XKR4: variants seen among roughly 807,000 people sequenced by gnomAD.
XKR4 encodes XK-related protein 4.
Under a neutral mutation model 53.9 loss-of-function variants are expected in XKR4, and 12 were observed. The ratio of observed to expected loss-of-function variants is 0.22; its 90% CI spans 0.14 to 0.36. The LOEUF is 0.36. Among genes scored for constraint, XKR4 ranks in the 10% least tolerant of loss-of-function variants. The probability of loss-of-function intolerance (pLI) is 1.00; values close to 1 mark genes in which losing one functional copy is unlikely to be tolerated. For synonymous variants in XKR4, 354 were observed against 362.4 expected (o/e 0.98, Z 0.26); for missense variants, 799 against 859.5 (o/e 0.93, Z 0.88).
intron 2 of XKR4, among the ~76,000 whole-genome samples, chr8:55,514,240 C>T (rs1234464227): frequency 6.8e-6 from 1 of 146,480 alleles, no homozygotes; most frequent in East Asian, 2.0e-4. Flanking sequence ...TTGCTACATG[C>T]TGGGATTCTT....
At chr8:55,202,820 A>T (rs1430359826) in intron 1 of XKR4, among the ~76,000 whole-genome samples, 1 of 152,222 alleles carries the variant, frequency 6.6e-6, no homozygotes, top group Non-Finnish European at 1.5e-5. Flanking sequence ...TCAAAGGCAA[A>T]CTTATTTTTC....
At chr8:55,313,501 C>T (rs142182704) in intron 1 of XKR4, among the ~76,000 whole-genome samples, 2 of 152,264 alleles carry the variant, frequency 1.3e-5, no homozygotes, top group Admixed American at 6.5e-5. Context: ...CCAGCGGCAG[C>T]ATGCATGGTC....
chr8:55,343,493 G>T (rs1256430539), intron 1 of XKR4, among the ~76,000 whole-genome samples: 2 of 152,120 alleles, frequency 1.3e-5, no homozygotes, highest in Non-Finnish European at 2.9e-5. Flanking sequence ...AAGCCTTTCG[G>T]CATTCCACTC....
intron 1 of XKR4, among the ~76,000 whole-genome samples, chr8:55,219,693 A>T (rs188116162): frequency 3.8e-4 from 58 of 152,182 alleles, no homozygotes; most frequent in African/African-American, 5.1e-4. Context: ...AGTGAAATAA[A>T]TTTTTTTTAA....
chr8:55,166,082 G>C (rs1424306102), intron 1 of XKR4, among the ~76,000 whole-genome samples: 4 of 152,172 alleles, frequency 2.6e-5, no homozygotes, highest in Non-Finnish European at 5.9e-5. Context: ...GAGGCCTGTG[G>C]ATCTGGCTGC....
chr8:55,207,929 T>C (rs1817674473), intron 1 of XKR4, among the ~76,000 whole-genome samples: 1 of 152,218 alleles, frequency 6.6e-6, no homozygotes, highest in Non-Finnish European at 1.5e-5. Context: ...CAGGAAACCA[T>C]GTCATAAATG....
intron 1 of XKR4, among the ~76,000 whole-genome samples, chr8:55,108,823 A>G (rs983869637): frequency 2.0e-5 from 3 of 152,000 alleles, no homozygotes; most frequent in Admixed American, 1.3e-4. Flanking sequence ...TAGCACTTCT[A>G]TTTTGCAGAT....
At chr8:55,522,706 A>T (rs188733120) in intron 2 of XKR4, among the ~76,000 whole-genome samples, 2 of 152,172 alleles carry the variant, frequency 1.3e-5, no homozygotes, top group Non-Finnish European at 1.5e-5. Flanking sequence ...TAAGTGGCAA[A>T]GTTGAAGCAA....
intron 2 of XKR4, among the ~76,000 whole-genome samples, chr8:55,373,890 G>T (rs1489965757): frequency 6.6e-6 from 1 of 152,114 alleles, no homozygotes; most frequent in African/African-American, 2.4e-5. Context: ...TGATAGCAAA[G>T]GGAGTGAGTA....
chr8:55,454,287 C>T, intron 2 of XKR4: 1 of 1,416,100 alleles, frequency 7.1e-7, no homozygotes, highest in South Asian at 1.1e-5. Flanking sequence ...TGGGTCTCTG[C>T]CTGGAAGGCC....
intron 1 of XKR4, among the ~76,000 whole-genome samples, chr8:55,149,780 G>A (rs1381551483): frequency 6.6e-6 from 1 of 152,226 alleles, no homozygotes; most frequent in East Asian, 1.9e-4. Context: ...AGAAGCAGGT[G>A]CTGCCTTAAG....
chr8:55,250,834 A>G (rs1032269641), intron 1 of XKR4, among the ~76,000 whole-genome samples: 1 of 152,372 alleles, frequency 6.6e-6, no homozygotes, highest in Admixed American at 6.5e-5. Context: ...GAATAATTCA[A>G]ATAATCAATG....
At chr8:55,521,782 A>G (rs1002534303) in intron 2 of XKR4, among the ~76,000 whole-genome samples, 3 of 152,200 alleles carry the variant, frequency 2.0e-5, no homozygotes, top group African/African-American at 7.2e-5. Context: ...CCACAAGAGT[A>G]CTTTCTTTTC....
At chr8:55,410,102 A>G (rs533718217) in intron 2 of XKR4, among the ~76,000 whole-genome samples, 2 of 149,880 alleles carry the variant, frequency 1.3e-5, no homozygotes, top group East Asian at 3.9e-4. Flanking sequence ...AAAAAAAAAA[A>G]GCCTTTTGAA....
intron 1 of XKR4, among the ~76,000 whole-genome samples, chr8:55,130,896 A>G (rs1816544035): frequency 6.6e-6 from 1 of 152,064 alleles, no homozygotes; most frequent in Non-Finnish European, 1.5e-5. Context: ...GCGGTGGCTC[A>G]CGTCTGTAAT....
intron 1 of XKR4, among the ~76,000 whole-genome samples, chr8:55,301,660 G>T (rs1229417061): frequency 1.3e-5 from 2 of 152,118 alleles, no homozygotes; most frequent in Admixed American, 1.3e-4. Flanking sequence ...AGCACCTGTT[G>T]TTTCCTGACT....
intron 2 of XKR4, among the ~76,000 whole-genome samples, chr8:55,448,084 G>A (rs572142309): frequency 5.9e-5 from 9 of 152,312 alleles, no homozygotes; most frequent in African/African-American, 2.2e-4. Flanking sequence ...AGCAAAAGTG[G>A]GAACAGCCAA....
At chr8:55,469,807 T>C (rs1405133033) in intron 2 of XKR4, among the ~76,000 whole-genome samples, 1 of 152,106 alleles carries the variant, frequency 6.6e-6, no homozygotes, top group Non-Finnish European at 1.5e-5. Flanking sequence ...AAGATTTGAA[T>C]GGTTTTCTAT....
intron 1 of XKR4, among the ~76,000 whole-genome samples, chr8:55,173,501 C>T (rs922663): frequency 0.066 from 9,993 of 152,222 alleles, 1,061 homozygotes; most frequent in African/African-American, 0.22. Context: ...TCATGCTTTA[C>T]ACCTTTGATT....
Sources: allele counts gnomAD v4.1 joint callset (sites outside exome capture counted in the v4.1 genomes callset), GRCh38; gene constraint gnomAD v4.1.1; transcripts MANE v1.5; gene names NCBI Gene and HGNC (gene_info 2026-07-23, HGNC 2026-07-21).